The following CBL variants were observed in gnomAD, a reference collection of about 807,000 sequenced individuals.
The protein encoded by CBL is Cbl proto-oncogene, also known as E3 ubiquitin-protein ligase CBL.
A neutral mutation model predicts 96.9 loss-of-function variants in CBL; 45 were observed. The ratio of observed to expected loss-of-function variants is 0.46; its 90% CI spans 0.37 to 0.60. The LOEUF is 0.60. CBL is among the 20% of genes least tolerant of loss of function. The pLI, the probability that CBL is intolerant of heterozygous loss-of-function variation, is 0.00. For missense variants in CBL, 1,024 were observed against 1,143.5 expected (o/e 0.90, Z 1.51); for synonymous variants, 420 against 426.8 (o/e 0.98, Z 0.20).
At chr11:119,206,694 A>G in intron 1 of CBL, 82 bp downstream of exon 1, 2 of 1,011,222 alleles carry the variant, frequency 2.0e-6, no homozygotes, top group Non-Finnish European at 1.3e-6. Context: ...GGACGGAGGA[A>G]GCGGGGGAGG....
rs551133465 is a variant in CBL, at chr11:119,297,218, C to G, written c.2154-166C>G. On this transcript the variant is annotated intron_variant, in intron 13 of 15. Coordinates refer to ENST00000264033, the MANE Select transcript of CBL (RefSeq NM_005188.4). ...CTGTAGGTAATTACACTTATGTTTT[C>G]TCAGCAACATGAGAACCTCAAAAAC... 2.0e-5 allele frequency among the ~76,000 whole-genome samples: 3 copies of G among 152,280 alleles called. No homozygotes were observed. The South Asian group carries it at 6.2e-4, about 32-fold the overall frequency.
intron 11 of CBL, among the ~76,000 whole-genome samples, chr11:119,286,006 T>A (rs1949982154): frequency 6.6e-6 from 1 of 152,134 alleles, no homozygotes; most frequent in Admixed American, 6.6e-5. Flanking sequence ...ATTCCTACCC[T>A]CAAGAAATAT....
chr11:119,230,297 C>G (rs1268989257), intron 1 of CBL, among the ~76,000 whole-genome samples: 2 of 151,988 alleles, frequency 1.3e-5, no homozygotes, highest in Admixed American at 1.3e-4. Flanking sequence ...GGACTACAGG[C>G]GCCCGCCACC....
intron 9 of CBL, among the ~76,000 whole-genome samples, chr11:119,282,055 C>T (rs561762383): frequency 2.6e-5 from 4 of 152,052 alleles, no homozygotes; most frequent in East Asian, 3.9e-4. Context: ...AAGAATATTG[C>T]GGCCGGGTGC....
rs1427302571 is a variant in CBL, at chr11:119,274,863, G to A, written c.779G>A (p.Ser260Asn). ...TCCTCTTTGCTCAGGAATTGGAACAGCCTTGCTGTAACTCATCCTGGCTAC... is the reference window on the plus strand; with the variant it reads ...TCCTCTTTGCTCAGGAATTGGAACAACCTTGCTGTAACTCATCCTGGCTAC... ...PWSSLLRNWN[S>N]LAVTHPGYMA... Residue 260 changes from serine to asparagine, a missense_variant, in exon 5 of 16, where the codon AGC becomes AAC. Around this residue, in one of 4 missense-constraint regions of CBL, gnomAD observed 192 missense variants for 321.8 expected, o/e 0.60. Coordinates refer to ENST00000264033, the MANE Select transcript of CBL (RefSeq NM_005188.4). 1 of 1,613,356 alleles carries A rather than the reference G, an allele frequency of 6.2e-7. No individual in the cohort carries two copies. The highest frequency in any genetic ancestry group is 1.7e-5 in the Admixed American group (1 of 59,984).
rs2135325672 is a variant in CBL at position 119,304,456 on chromosome 11, C to T, written c.*4675C>T. On this transcript the variant is annotated 3_prime_UTR_variant, in exon 16 of 16. Transcript: ENST00000264033. ...TTCGCAGAACCCAGGACGGGAAGTG[C>T]CTTTGGTTCTTGGGTGGAGCTGGAA... 4.3e-6 allele frequency: 1 copy of T among 232,992 alleles called. No homozygotes were observed. Among genetic ancestry groups the T allele is most frequent in the African/African-American group, 2.2e-5 (1 of 45,378 alleles). The allele number at this position is 232,992 out of a possible 1,614,324, so 14.4% of individuals were successfully genotyped here. A position where few individuals can be genotyped will look rare whatever the true frequency, so the allele number is the denominator to read the frequency against.
rs1950094781 is a variant in CBL at position 119,300,566 on chromosome 11, G to GTGTA, written c.*785_*786insTGTA. On this transcript the variant is annotated 3_prime_UTR_variant, in exon 16 of 16. Transcript: ENST00000264033. ...AAAGTACTGTTGCTACACTATTATA[G>GTGTA]GCATGTTTGATACTAGCAGCTAACA... The GTGTA allele has an allele frequency of 5.0e-6, 2 of 399,296 alleles. No individual in the cohort carries two copies. Among genetic ancestry groups the GTGTA allele is most frequent in the East Asian group, 7.1e-5 (2 of 28,096 alleles). 24.7% of individuals were successfully genotyped at this position (399,296 alleles called of 1,614,324 possible). A position where few individuals can be genotyped will look rare whatever the true frequency, so the allele number is the denominator to read the frequency against.
At chr11:119,287,214 T>C (rs1463396248) in intron 11 of CBL, among the ~76,000 whole-genome samples, 1 of 152,230 alleles carries the variant, frequency 6.6e-6, no homozygotes, top group Non-Finnish European at 1.5e-5. Context: ...TAAAGACTTG[T>C]TAAGGCTTGA....
Position 119,247,308 on chromosome 11 carries a change from G to T in CBL, c.443+14613G>T, listed in dbSNP as rs12289258. ...ACTTTTGCCACATCTCATCAACGTG[G>T]TACTAGACGTTCCAGCCAGAGCAAT... On this transcript the variant is annotated intron_variant, in intron 2 of 15. Transcript: ENST00000264033. 8.3e-3 allele frequency among the ~76,000 whole-genome samples: 1,267 copies of T among 152,234 alleles called. 18 individuals are homozygous for T. Among genetic ancestry groups the T allele is most frequent in the African/African-American group, 0.029 (1,206 of 41,528 alleles).
At position 119,306,216 on chromosome 11, in the gene CBL, G is replaced by A. The variant is rs1950139564; in HGVS notation, c.*6435G>A. On this transcript the variant is annotated 3_prime_UTR_variant, in exon 16 of 16. Coordinates refer to ENST00000264033, the MANE Select transcript of CBL (RefSeq NM_005188.4). The stretch of plus-strand genomic sequence containing the variant: ...GTTGACAGACAGACTAAGCTGTGTG[G>A]TGCTCTTGCCGCCCCTTCCTGGGTA... 1 of 398,438 alleles carries A rather than the reference G, an allele frequency of 2.5e-6. No homozygotes were observed. Among genetic ancestry groups the A allele is most frequent in the Non-Finnish European group, 4.4e-6 (1 of 226,046 alleles). 24.7% of individuals were successfully genotyped at this position (398,438 alleles called of 1,614,324 possible). A position where few individuals can be genotyped will look rare whatever the true frequency, so the allele number is the denominator to read the frequency against.
At chr11:119,293,207 C>T (rs1254430511) in intron 12 of CBL, among the ~76,000 whole-genome samples, 2 of 151,796 alleles carry the variant, frequency 1.3e-5, no homozygotes, top group African/African-American at 4.8e-5. Context: ...CAGGTTCAAG[C>T]GATTCTCCTG....
chr11:119,267,552 A>G (rs1053205174), intron 2 of CBL, among the ~76,000 whole-genome samples: 10 of 152,158 alleles, frequency 6.6e-5, no homozygotes, highest in Non-Finnish European at 1.2e-4. Context: ...GCAACACTCG[A>G]TAAGGTCTCT....
chr11:119,235,114 AT>A (rs959069524), intron 2 of CBL, among the ~76,000 whole-genome samples: 1 of 151,130 alleles, frequency 6.6e-6, no homozygotes, highest in Non-Finnish European at 1.5e-5. Flanking sequence ...TCTTTTTTCT[AT>A]TTTTTTTCTT....
intron 1 of CBL, among the ~76,000 whole-genome samples, chr11:119,214,373 C>T (rs972449081): frequency 1.3e-5 from 2 of 152,152 alleles, no homozygotes; most frequent in African/African-American, 4.8e-5. Context: ...CCTCAGCCTC[C>T]CAAGTAGTTG....
At chr11:119,289,011 T>C (rs1950005764) in intron 12 of CBL, among the ~76,000 whole-genome samples, 2 of 152,228 alleles carry the variant, frequency 1.3e-5, no homozygotes, top group Non-Finnish European at 2.9e-5. Flanking sequence ...GTTGCCTGAT[T>C]TTCATACATT....
chr11:119,223,941 C>CT (rs1555226128), intron 1 of CBL, among the ~76,000 whole-genome samples: 2 of 151,966 alleles, frequency 1.3e-5, no homozygotes, highest in Admixed American at 6.6e-5. Flanking sequence ...TTTTGAGACT[C>CT]TATCTCTTAA....
At chr11:119,210,855 C>T (rs1345100428) in intron 1 of CBL, among the ~76,000 whole-genome samples, 1 of 151,878 alleles carries the variant, frequency 6.6e-6, no homozygotes, top group Non-Finnish European at 1.5e-5. Flanking sequence ...TACAGTAATC[C>T]TCCATTATTC....
chr11:119,224,811 G>T (rs959919301), intron 1 of CBL, among the ~76,000 whole-genome samples: 1 of 151,954 alleles, frequency 6.6e-6, no homozygotes, highest in African/African-American at 2.4e-5. Context: ...CATCCTCTTT[G>T]TCTTCATGTT....
chr11:119,286,983 A>AC (rs1348608858), intron 11 of CBL, among the ~76,000 whole-genome samples: 5 of 152,230 alleles, frequency 3.3e-5, no homozygotes, highest in African/African-American at 1.2e-4. Flanking sequence ...GTTATAGAGT[A>AC]CAATTCTGAG....
Sources: allele counts gnomAD v4.1 joint callset (sites outside exome capture counted in the v4.1 genomes callset), GRCh38; gene constraint gnomAD v4.1.1; regional missense constraint gnomAD v4.1.1; transcripts MANE v1.5; gene names NCBI Gene and HGNC (gene_info 2026-07-23, HGNC 2026-07-21).